Variants in ANKRD36C observed in about 807,000 individuals in gnomAD.
The protein encoded by ANKRD36C is ankyrin repeat domain 36C, also known as ankyrin repeat domain-containing protein 36C.
A neutral mutation model predicts 276.4 loss-of-function variants in ANKRD36C; 61 were observed. The observed-to-expected ratio is 0.22, with a 90% CI of 0.18 to 0.27. ANKRD36C has a LOEUF of 0.27. ANKRD36C is among the 10% of genes least tolerant of loss of function. The pLI is 1.00. For missense variants in ANKRD36C, 1,447 were observed against 2,032.3 expected (o/e 0.71, Z 5.54); for synonymous variants, 483 against 680.1 (o/e 0.71, Z 4.51).
intron 56 of ANKRD36C, among the ~76,000 whole-genome samples, chr2:95,881,148 C>A (rs985326298): frequency 1.3e-5 from 2 of 152,006 alleles, no homozygotes; most frequent in African/African-American, 4.8e-5. Context: ...CTGAATTGAT[C>A]TGCTTGGATA....
intron 59 of ANKRD36C, among the ~76,000 whole-genome samples, chr2:95,868,527 A>T (rs949623760): frequency 1.3e-5 from 2 of 150,976 alleles, no homozygotes; most frequent in Non-Finnish European, 3.0e-5. Context: ...TCCTTGTCTG[A>T]GTTAAAAACA....
At chr2:95,897,573 T>C in intron 44 of ANKRD36C, 108 bp from the exon 59 acceptor site, 8 of 1,401,598 alleles carry the variant, frequency 5.7e-6, no homozygotes, top group African/African-American at 1.4e-5. Context: ...TGTATTAGCG[T>C]AGGCTTTGAT....
intron 44 of ANKRD36C, chr2:95,894,188 G>C (rs1676464921): frequency 9.9e-6 from 2 of 202,336 alleles, no homozygotes; most frequent in South Asian, 1.8e-4. Context: ...GCACACAATT[G>C]CAATGATACT....
In ANKRD36C at chr2:95,908,714, A is replaced by T; in HGVS notation, c.2653+3530T>A. 2 of 1,547,412 alleles carry T rather than the reference A, an allele frequency of 1.3e-6. No homozygotes were observed. The highest frequency in any genetic ancestry group is 1.7e-6 in the Non-Finnish European group (2 of 1,144,150). On this transcript the variant is annotated intron_variant, in intron 42 of 66. Coordinates refer to ENST00000456556, the Ensembl canonical transcript of ANKRD36C. Reference sequence around the variant, plus strand: ...CAGAAGACACTGAAAAGTAAAAGGGATTCATAATCACTCATATGTAAAAAT... The same window carrying T: ...CAGAAGACACTGAAAAGTAAAAGGGTTTCATAATCACTCATATGTAAAAAT...
chr2:95,850,594 G>A (rs541139092), downstream of ANKRD36C, among the ~76,000 whole-genome samples: 79 of 152,364 alleles, frequency 5.2e-4, 1 homozygote, highest in Admixed American at 2.3e-3. Flanking sequence ...AGTATGGTAA[G>A]TGGCGAAAGA....
chr2:95,948,533 A>T (rs1165001859), exon 17 of ANKRD36C: 3 of 1,535,626 alleles, frequency 2.0e-6, no homozygotes, highest in Non-Finnish European at 2.6e-6. Context: ...ACTCTACCTC[A>T]GATTCCAAAG....
At chr2:95,951,524 T>A (rs925656786) in intron 14 of ANKRD36C, 116 bp from the exon 15 acceptor site, 5 of 789,500 alleles carry the variant, frequency 6.3e-6, no homozygotes. Context: ...ATCACTCATA[T>A]GTAGATTCAA....
At chr2:95,867,090 T>G (rs576219107) in intron 60 of ANKRD36C, among the ~76,000 whole-genome samples, 4 of 152,206 alleles carry the variant, frequency 2.6e-5, no homozygotes, top group African/African-American at 9.6e-5. Context: ...CAGGCCATGG[T>G]TTTGGAAGGT....
intron 6 of ANKRD36C, among the ~76,000 whole-genome samples, chr2:95,970,436 G>T (rs1678674564): frequency 6.6e-6 from 1 of 152,106 alleles, no homozygotes; most frequent in Non-Finnish European, 1.5e-5. Context: ...AGCTTATAAA[G>T]AAATACTGGG....
chr2:95,866,416 A>G (rs1272745108), intron 60 of ANKRD36C, among the ~76,000 whole-genome samples: 2 of 152,146 alleles, frequency 1.3e-5, no homozygotes, highest in Non-Finnish European at 2.9e-5. Context: ...ATACATACAG[A>G]ATTATTAAAA....
rs1449580696 is a variant in ANKRD36C, at chr2:95,978,092, T to C, written c.799+30A>G. ...TTCTTTTTTATCTATGGTAGTACCA[T>C]CAAGAGTAATTCACTATCAGAAATC... On this transcript the variant is annotated intron_variant, in intron 6 of 66. Transcript: ENST00000456556. 1.6e-5 allele frequency: 14 copies of C among 853,690 alleles called. No individual in the cohort carries two copies. The East Asian group carries it at 4.0e-4, about 24-fold the overall frequency. 52.9% of individuals were successfully genotyped at this position (853,690 alleles called of 1,614,324 possible). A position where few individuals can be genotyped will look rare whatever the true frequency, so the allele number is the denominator to read the frequency against.
intron 58 of ANKRD36C, among the ~76,000 whole-genome samples, chr2:95,879,812 G>A (rs200029486): frequency 1.3e-5 from 2 of 148,682 alleles, no homozygotes; most frequent in African/African-American, 5.0e-5. Context: ...TCTTTAATTC[G>A]CTAAAAACTA....
chr2:95,923,982 T>C (rs1201083239), intron 30 of ANKRD36C, among the ~76,000 whole-genome samples: 1 of 151,672 alleles, frequency 6.6e-6, no homozygotes, highest in Non-Finnish European at 1.5e-5. Flanking sequence ...ACAAATGTGA[T>C]CTAAAATCAG....
chr2:95,890,818 C>G (rs1676330689), intron 46 of ANKRD36C, among the ~76,000 whole-genome samples: 1 of 151,514 alleles, frequency 6.6e-6, no homozygotes, highest in Admixed American at 6.6e-5. Flanking sequence ...TAGAATTCAA[C>G]ATCATTTTTG....
At chr2:95,991,604 C>T (rs1264260319) in exon 1 of ANKRD36C, 2 of 1,614,084 alleles carry the variant, frequency 1.2e-6, no homozygotes, top group African/African-American at 1.3e-5. Flanking sequence ...CTCTGTGGAT[C>T]CCCTTCAGAT....
At chr2:95,891,311 C>T (rs540523632) in intron 46 of ANKRD36C, among the ~76,000 whole-genome samples, 3 of 151,452 alleles carry the variant, frequency 2.0e-5, no homozygotes, top group Non-Finnish European at 4.4e-5. Context: ...CTTGGCAGTA[C>T]AATCTGAAGT....
rs577422624 is a variant in ANKRD36C at position 95,958,562 on chromosome 2, A to G, written c.1105+29T>C. The G allele has an allele frequency of 2.5e-4, 379 of 1,533,416 alleles. 1 individual carries two copies. In the East Asian group the frequency reaches 5.8e-3, roughly 23 times the overall value. 95.0% of individuals were successfully genotyped at this position (1,533,416 alleles called of 1,614,324 possible). A position where few individuals can be genotyped will look rare whatever the true frequency, so the allele number is the denominator to read the frequency against. On this transcript the variant is annotated intron_variant, in intron 12 of 66. Coordinates refer to ENST00000456556, the Ensembl canonical transcript of ANKRD36C. ...AAGTTCTCCTCTATCTTCAGTGTAC[A>G]TGGCATTAAATGTGTATTGCAAAAT...
At chr2:95,991,696 C>T in exon 1 of ANKRD36C, 2 of 1,613,318 alleles carry the variant, frequency 1.2e-6, no homozygotes, top group Admixed American at 1.7e-5. Flanking sequence ...CTCTTCGGCT[C>T]CTTGTCATCC....
Position 95,855,813 on chromosome 2 carries a change from G to A in ANKRD36C, c.4448C>T (p.Ser1483Leu), listed in dbSNP as rs750119702. The change falls in exon 63 of 67, where the codon TCA becomes TTA. Residue 1483 changes from serine (S) to leucine (L), a missense_variant. Transcript: ENST00000456556. ...AGCAAGCTCTTGGTCTCTTTTTGAT[G>A]AGTGACTTTGATCATGATCACATAG... 1.9e-5 allele frequency: 31 copies of A among 1,613,692 alleles called. No individual in the cohort carries two copies. The African/African-American group carries it at 3.3e-4, about 17-fold the overall frequency.
Sources: gnomAD v4.1 joint callset for allele counts (sites outside exome capture counted in the v4.1 genomes callset) on GRCh38, gnomAD v4.1.1 for gene constraint, MANE v1.5 for transcripts, NCBI Gene and HGNC (gene_info 2026-07-23, HGNC 2026-07-21) for gene names.